Variants in ADAMTSL1 observed in about 807,000 individuals in gnomAD.
ADAMTSL1 encodes ADAMTS-like protein 1.
Under a neutral mutation model 201.8 loss-of-function variants are expected in ADAMTSL1, and 126 were observed. That is an observed-to-expected ratio of 0.62 (90% CI 0.54 to 0.72). The LOEUF is 0.72. ADAMTSL1 is among the 30% of genes least tolerant of loss of function. The pLI is 0.00. For synonymous variants in ADAMTSL1, 1,121 were observed against 903.4 expected (o/e 1.24, Z -4.32); for missense variants, 2,679 against 2,277.8 (o/e 1.18, Z -3.59).
intron 1 of ADAMTSL1, among the ~76,000 whole-genome samples, chr9:18,122,609 T>G (rs1232281197): frequency 6.6e-6 from 1 of 152,102 alleles, no homozygotes; most frequent in African/African-American, 2.4e-5. Flanking sequence ...CATTGGAAAA[T>G]AAGCCTACAA....
chr9:18,143,165 T>G, intron 1 of ADAMTSL1, among the ~76,000 whole-genome samples: 1 of 152,278 alleles, frequency 6.6e-6, no homozygotes, highest in East Asian at 1.9e-4. Flanking sequence ...TCTGCTGCCA[T>G]CTAGGAAAGT....
chr9:18,803,046 C>T (rs1822898550), intron 20 of ADAMTSL1, among the ~76,000 whole-genome samples: 3 of 152,132 alleles, frequency 2.0e-5, no homozygotes, highest in Non-Finnish European at 4.4e-5. Flanking sequence ...GTGTATATGG[C>T]CTGCGTATTT....
chr9:18,567,609 A>T (rs1333945151), intron 3 of ADAMTSL1, among the ~76,000 whole-genome samples: 1 of 152,164 alleles, frequency 6.6e-6, no homozygotes, highest in Non-Finnish European at 1.5e-5. Flanking sequence ...AGATGTCCAG[A>T]TGGCAAGTGA....
intron 1 of ADAMTSL1, among the ~76,000 whole-genome samples, chr9:18,084,780 A>G (rs922191880): frequency 7.8e-5 from 11 of 140,366 alleles, no homozygotes; most frequent in African/African-American, 2.9e-4. Context: ...CATGAGAGTG[A>G]GCAAAACAGA....
intron 4 of ADAMTSL1, among the ~76,000 whole-genome samples, chr9:18,588,884 C>CATATATATATATATATATATATATGTAT (rs754566534): frequency 8.1e-6 from 1 of 122,856 alleles, no homozygotes; most frequent in Non-Finnish European, 1.8e-5. Flanking sequence ...TATACATATA[C>CATATATATATATATATATATATATGTAT]ATATATATAT....
intron 2 of ADAMTSL1, among the ~76,000 whole-genome samples, chr9:18,518,041 G>A (rs1426667753): frequency 3.3e-5 from 5 of 151,300 alleles, no homozygotes; most frequent in Admixed American, 6.6e-5. Context: ...CTTCTCTCAC[G>A]AAATATTTGT....
intron 23 of ADAMTSL1, among the ~76,000 whole-genome samples, chr9:18,877,123 T>A (rs1828210855): frequency 1.3e-5 from 2 of 152,202 alleles, no homozygotes; most frequent in African/African-American, 2.4e-5. Flanking sequence ...TCTATTTCTC[T>A]GGAGACTTTT....
rs564618048 is a variant in ADAMTSL1 at position 18,457,740 on chromosome 9, G to A, written c.208-47089G>A. On this transcript the variant is annotated intron_variant, in intron 2 of 29. Transcript: ENST00000680146. The stretch of plus-strand genomic sequence containing the variant: ...GCCTTAGACAGAAATGCGGTATGCT[G>A]AGGAGGAAAGAGGAGTTAGAGAAAG... Among the ~76,000 whole-genome samples, 31 of 152,266 alleles carry A rather than the reference G, an allele frequency of 2.0e-4. 1 individual carries two copies. The South Asian group carries it at 6.0e-3, about 29-fold the overall frequency.
chr9:18,200,199 T>G (rs964948321), intron 2 of ADAMTSL1, among the ~76,000 whole-genome samples: 6 of 151,946 alleles, frequency 3.9e-5, no homozygotes, highest in African/African-American at 1.4e-4. Context: ...TTCGGGAGGC[T>G]GAAGCTGGAA....
chr9:18,787,990 A>G (rs1205711597), intron 19 of ADAMTSL1, among the ~76,000 whole-genome samples: 1 of 152,252 alleles, frequency 6.6e-6, no homozygotes, highest in Non-Finnish European at 1.5e-5. Flanking sequence ...GACCAGGGTT[A>G]AGAATGTGTG....
At chr9:18,517,428 T>G (rs1818422113) in intron 2 of ADAMTSL1, among the ~76,000 whole-genome samples, 1 of 152,096 alleles carries the variant, frequency 6.6e-6, no homozygotes, top group South Asian at 2.1e-4. Flanking sequence ...TTTATTTTTT[T>G]TTATTATACT....
intron 3 of ADAMTSL1, among the ~76,000 whole-genome samples, chr9:18,539,902 G>C (rs895356052): frequency 2.0e-5 from 3 of 152,090 alleles, no homozygotes; most frequent in Non-Finnish European, 4.4e-5. Flanking sequence ...TGGTATTCCT[G>C]TTGGCCGGCC....
intron 19 of ADAMTSL1, among the ~76,000 whole-genome samples, chr9:18,780,729 G>A (rs1319855243): frequency 6.6e-6 from 1 of 152,002 alleles, no homozygotes; most frequent in African/African-American, 2.4e-5. Flanking sequence ...TTTTTAATAG[G>A]ATATTAGTCA....
At chr9:18,158,483 C>G (rs1261708029) in intron 1 of ADAMTSL1, among the ~76,000 whole-genome samples, 1 of 151,828 alleles carries the variant, frequency 6.6e-6, no homozygotes, top group Non-Finnish European at 1.5e-5. Context: ...CCATCCCCAC[C>G]TTGACATTTA....
At chr9:18,771,759 A>T in intron 17 of ADAMTSL1, among the ~76,000 whole-genome samples, 1 of 109,636 alleles carries the variant, frequency 9.1e-6, no homozygotes, top group Non-Finnish European at 1.7e-5. Flanking sequence ...CACAGGAGGG[A>T]GCTGCTGCTG....
intron 2 of ADAMTSL1, among the ~76,000 whole-genome samples, chr9:18,372,061 G>T (rs1837067547): frequency 6.6e-6 from 1 of 152,190 alleles, no homozygotes; most frequent in Non-Finnish European, 1.5e-5. Flanking sequence ...ATAACAAAGA[G>T]ACTTGAAAGT....
At chr9:18,038,291 C>T (rs1821289385) in intron 1 of ADAMTSL1, among the ~76,000 whole-genome samples, 1 of 152,070 alleles carries the variant, frequency 6.6e-6, no homozygotes, top group African/African-American at 2.4e-5. Context: ...GGCTGTTGCC[C>T]CTCTCTGGGC....
At chr9:18,501,204 A>G (rs1822818103) in intron 1 of ADAMTSL1, among the ~76,000 whole-genome samples, 1 of 152,192 alleles carries the variant, frequency 6.6e-6, no homozygotes, top group Non-Finnish European at 1.5e-5. Context: ...AAAGGACTGT[A>G]CATTCAAAAG....
chr9:17,984,253 T>G (rs1009397166), intron 1 of ADAMTSL1, among the ~76,000 whole-genome samples: 1 of 152,122 alleles, frequency 6.6e-6, no homozygotes, highest in Admixed American at 6.5e-5. Context: ...ATGTAAGGAA[T>G]GAAGTAAATT....
Sources: gnomAD v4.1 joint callset for allele counts (sites outside exome capture counted in the v4.1 genomes callset) on GRCh38, gnomAD v4.1.1 for gene constraint, MANE v1.5 for transcripts, NCBI Gene and HGNC (gene_info 2026-07-23, HGNC 2026-07-21) for gene names.